Variants in SPECC1 observed in about 807,000 individuals in gnomAD.
The protein encoded by SPECC1 is sperm antigen with calponin homology and coiled-coil domains 1, also known as cytospin-B.
SPECC1 carries 62 observed loss-of-function variants against 104.1 expected under a neutral mutation model. That is an observed-to-expected ratio of 0.60 (90% CI 0.49 to 0.74). The LOEUF (loss-of-function observed/expected upper bound fraction) is 0.74, where lower values mean the gene tolerates loss of function less well. Among genes scored for constraint, SPECC1 ranks in the 30% least tolerant of loss-of-function variants. The pLI, the probability that SPECC1 is intolerant of heterozygous loss-of-function variation, is 0.00. For missense variants in SPECC1, 1,306 were observed against 1,310.5 expected (o/e 1.00, Z 0.05); for synonymous variants, 513 against 501.6 (o/e 1.02, Z -0.30).
intron 1 of SPECC1, among the ~76,000 whole-genome samples, chr17:20,058,722 C>G (rs1406384718): frequency 6.6e-6 from 1 of 151,968 alleles, no homozygotes; most frequent in African/African-American, 2.4e-5. Flanking sequence ...TTAGCGGTCC[C>G]CAACCTTTTT....
At chr17:20,200,961 A>G (rs906818614) in intron 3 of SPECC1, among the ~76,000 whole-genome samples, 1 of 152,130 alleles carries the variant, frequency 6.6e-6, no homozygotes, top group Non-Finnish European at 1.5e-5. Context: ...CATAATACAC[A>G]TCCATTCATA....
In SPECC1 at chr17:20,122,135, T is replaced by C. The variant is rs943131815; in HGVS notation, c.283+11573T>C. Among the ~76,000 whole-genome samples, 3 of 151,768 alleles carry C rather than the reference T, an allele frequency of 2.0e-5. No individual in the cohort carries two copies. The East Asian group carries it at 5.8e-4, about 30-fold the overall frequency. On this transcript the variant is annotated intron_variant, in intron 3 of 14. Coordinates refer to ENST00000395527, the MANE Select transcript of SPECC1 (RefSeq NM_001243439.2). Reference sequence around the variant, plus strand: ...GTCAAGGGAGTGGCAGGAAGACCAGTGGGGCCGCAGCAGAGTGAACAAGCA... The same window carrying C: ...GTCAAGGGAGTGGCAGGAAGACCAGCGGGGCCGCAGCAGAGTGAACAAGCA...
intron 12 of SPECC1, among the ~76,000 whole-genome samples, chr17:20,288,689 G>A (rs1012859396): frequency 4.6e-5 from 7 of 151,586 alleles, no homozygotes; most frequent in African/African-American, 1.7e-4. Context: ...CTGAGACTGG[G>A]AAGAAAAAGA....
chr17:20,235,932 A>T (rs2151495732), intron 7 of SPECC1, among the ~76,000 whole-genome samples: 1 of 152,220 alleles, frequency 6.6e-6, no homozygotes, highest in Middle Eastern at 3.4e-3. Context: ...AATTGGCTTA[A>T]CTCCATGTGT....
In SPECC1 at chr17:20,207,981, C is replaced by CT. The variant is rs757913418; in HGVS notation, c.1863+2077dup. Among the ~76,000 whole-genome samples, 5 of 151,730 alleles carry CT rather than the reference C, an allele frequency of 3.3e-5. No individual in the cohort carries two copies. In the South Asian group the frequency reaches 6.3e-4, roughly 19 times the overall value. On this transcript the variant is annotated intron_variant, in intron 4 of 14. Coordinates refer to ENST00000395527, the MANE Select transcript of SPECC1 (RefSeq NM_001243439.2). ...TGACTAAAATTCTTTGTTCATTTAA[C>CT]TTTTTTTTATCCTTGGTTGATAATG...
Position 20,204,565 on chromosome 17 carries a change from A to G in SPECC1, c.516A>G (p.Glu172=). 1.9e-6 allele frequency: 3 copies of G among 1,614,224 alleles called. No individual in the cohort carries two copies. The highest frequency in any genetic ancestry group is 2.5e-6 in the Non-Finnish European group (3 of 1,180,038). Residue 172 remains glutamate, a synonymous_variant, in exon 4 of 15, where the codon GAA becomes GAG. Coordinates refer to ENST00000395527, the MANE Select transcript of SPECC1 (RefSeq NM_001243439.2). ...CTGCGCTTGAGTCCCAAGTTCGGGA[A>G]CTTTTGGCAGAAGCCAAAGCAAAAG... ...EKAALESQVR[E]LLAEAKAKDS...
At chr17:20,165,245 C>G (rs1227307790) in intron 3 of SPECC1, among the ~76,000 whole-genome samples, 1 of 152,254 alleles carries the variant, frequency 6.6e-6, no homozygotes, top group South Asian at 2.1e-4. Flanking sequence ...TCCCCCCACC[C>G]CCTGTGCCGT....
intron 1 of SPECC1, among the ~76,000 whole-genome samples, chr17:20,094,051 GA>G (rs1432469378): frequency 6.6e-6 from 1 of 152,066 alleles, no homozygotes; most frequent in African/African-American, 2.4e-5. Flanking sequence ...TTAAATTTGA[GA>G]AGAAGATGGG....
intron 12 of SPECC1, among the ~76,000 whole-genome samples, chr17:20,263,601 C>T (rs563117524): frequency 3.3e-5 from 5 of 151,766 alleles, no homozygotes; most frequent in Non-Finnish European, 7.4e-5. Flanking sequence ...AGGCAGCTGC[C>T]TGCAGGAGGT....
chr17:20,301,931 C>T (rs1313295128), intron 13 of SPECC1, among the ~76,000 whole-genome samples: 1 of 152,166 alleles, frequency 6.6e-6, no homozygotes, highest in East Asian at 1.9e-4. Context: ...GTCTCAAACT[C>T]CTGACTTTAG....
chr17:20,018,534 G>T (rs1352964068), intron 1 of SPECC1, among the ~76,000 whole-genome samples: 2 of 152,220 alleles, frequency 1.3e-5, no homozygotes, highest in African/African-American at 4.8e-5. Context: ...GAGATTACCG[G>T]CATGGGCCAC....
intron 3 of SPECC1, among the ~76,000 whole-genome samples, chr17:20,195,758 C>G (rs1334621109): frequency 1.3e-5 from 2 of 152,164 alleles, no homozygotes; most frequent in Non-Finnish European, 2.9e-5. Flanking sequence ...AGAGTTTTGC[C>G]AATTCTTAAT....
intron 1 of SPECC1, among the ~76,000 whole-genome samples, chr17:20,022,571 A>G (rs1039282525): frequency 4.6e-5 from 7 of 152,222 alleles, no homozygotes; most frequent in Non-Finnish European, 7.3e-5. Context: ...TGTTGACAAC[A>G]TTTAGTAATC....
chr17:20,315,519 T>C lies in SPECC1; in HGVS notation c.*1454T>C. On this transcript the variant is annotated 3_prime_UTR_variant, in exon 15 of 15. Transcript: ENST00000395527. The stretch of plus-strand genomic sequence containing the variant: ...TGGGTAATGCCCATCCCTTGCTGTT[T>C]TAAGTGCCAAATAGCGTGTTAGCGC... The C allele has an allele frequency of 4.3e-6, 1 of 232,856 alleles. No individual in the cohort carries two copies. The highest frequency in any genetic ancestry group is 5.6e-5 in the Admixed American group (1 of 17,798). 14.4% of individuals were successfully genotyped at this position (232,856 alleles called of 1,614,324 possible).
chr17:20,089,456 G>A (rs1392822307), intron 1 of SPECC1, among the ~76,000 whole-genome samples: 2 of 127,818 alleles, frequency 1.6e-5, no homozygotes, highest in African/African-American at 2.8e-5. Flanking sequence ...GTGAGATTTC[G>A]CCTCTATATA....
chr17:20,098,448 G>C, intron 2 of SPECC1, among the ~76,000 whole-genome samples: 1 of 152,174 alleles, frequency 6.6e-6, no homozygotes, highest in East Asian at 1.9e-4. Flanking sequence ...CCTGAGTCAT[G>C]TCACTTCTCT....
intron 1 of SPECC1, among the ~76,000 whole-genome samples, chr17:20,094,431 C>T (rs989314040): frequency 6.6e-6 from 1 of 152,134 alleles, no homozygotes; most frequent in African/African-American, 2.4e-5. Flanking sequence ...GGTGGCTTTT[C>T]CTTCTTTTCT....
chr17:20,151,193 G>T (rs1016025500), intron 3 of SPECC1, among the ~76,000 whole-genome samples: 1 of 152,086 alleles, frequency 6.6e-6, no homozygotes, highest in Admixed American at 6.6e-5. Flanking sequence ...AGGATTTTTT[G>T]ACTTTGTGAT....
At chr17:20,292,741 A>G (rs1265790661) in intron 12 of SPECC1, among the ~76,000 whole-genome samples, 1 of 152,222 alleles carries the variant, frequency 6.6e-6, no homozygotes, top group Non-Finnish European at 1.5e-5. Flanking sequence ...AGAAGTTACA[A>G]GATGGGGCCC....
Sources: gnomAD v4.1 joint callset for allele counts (sites outside exome capture counted in the v4.1 genomes callset) on GRCh38, gnomAD v4.1.1 for gene constraint, MANE v1.5 for transcripts, NCBI Gene and HGNC (gene_info 2026-07-23, HGNC 2026-07-21) for gene names.